Variants in MAST3 observed in about 807,000 individuals in gnomAD.
The protein encoded by MAST3 is microtubule-associated serine/threonine-protein kinase 3.
In MAST3, 43 loss-of-function variants were observed where a neutral mutation model predicts 127.0. That is an observed-to-expected ratio of 0.34 (90% confidence interval 0.27 to 0.44). MAST3 has a LOEUF of 0.44. MAST3 is among the 20% of genes least tolerant of loss of function. The probability of loss-of-function intolerance (pLI) is 1.00; values close to 1 mark genes in which losing one functional copy is unlikely to be tolerated. For missense variants in MAST3, 1,390 were observed against 1,919.1 expected (o/e 0.72, Z 5.15); for synonymous variants, 785 against 809.2 (o/e 0.97, Z 0.51).
Position 18,124,708 on chromosome 19 carries a change from G to A in MAST3, c.1012G>A (p.Gly338Ser), listed in dbSNP as rs754460796. Reference sequence around the variant, plus strand: ...TGAGGGCCATGCGCGGGAGGGCCAAGGCATTAAGACTGACCTTCCACAGTA... The same window carrying A: ...TGAGGGCCATGCGCGGGAGGGCCAAAGCATTAAGACTGACCTTCCACAGTA... ...AAEGHAREGQGIKTDLPQYII... is the reference protein window; with the variant it reads ...AAEGHAREGQSIKTDLPQYII... The change falls in exon 11 of 28, where the codon GGC becomes AGC. Residue 338 changes from glycine to serine, a missense_variant. Physicochemically the swap from Gly to Ser is moderately conservative, Grantham distance 56. Coordinates refer to ENST00000687212, the MANE Select transcript of MAST3 (RefSeq NM_001393504.1). 1.9e-6 allele frequency: 3 copies of A among 1,612,314 alleles called. No homozygotes were observed.
At chr19:18,104,379 C>T (rs556176440) in intron 1 of MAST3, among the ~76,000 whole-genome samples, 3 of 151,976 alleles carry the variant, frequency 2.0e-5, no homozygotes, top group South Asian at 4.2e-4. Context: ...GATTATTCTC[C>T]TCCCATCGTG....
At position 18,149,509 on chromosome 19, in the gene MAST3, G is replaced by T; in HGVS notation, c.3827G>T (p.Gly1276Val). The T allele has an allele frequency of 6.5e-7, 1 of 1,548,532 alleles. No homozygotes were observed. Among genetic ancestry groups the T allele is most frequent in the Non-Finnish European group, 8.7e-7 (1 of 1,146,636 alleles). Residue 1276 changes from glycine (G) to valine (V), a missense_variant, in exon 28 of 28, where the codon GGG becomes GTG. Gly to Val is a moderately radical substitution (Grantham distance 109). Coordinates refer to ENST00000687212, the MANE Select transcript of MAST3 (RefSeq NM_001393504.1). The surrounding 1 kb of genome is among the most constrained non-coding windows in gnomAD (Gnocchi z 5.9). The part of the protein sequence containing the change: ...GTGERLDGEA[G>V]RRTRGPEAEL... Reference sequence around the variant, plus strand: ...GGGGAGCGGCTGGATGGGGAGGCGGGGCGGCGCACTCGTGGGCCAGAGGCC... The same window carrying T: ...GGGGAGCGGCTGGATGGGGAGGCGGTGCGGCGCACTCGTGGGCCAGAGGCC...
intron 3 of MAST3, chr19:18,117,987 G>C (rs1451175287): frequency 2.4e-6 from 1 of 418,428 alleles, no homozygotes; most frequent in Non-Finnish European, 3.2e-6. Flanking sequence ...CCCCGCACTC[G>C]CCTGGGCGGA....
At position 18,149,454 on chromosome 19, in the gene MAST3, C is replaced by T. The variant is rs970399350; in HGVS notation, c.3772C>T (p.Arg1258Trp). Residue 1258 changes from arginine to tryptophan, a missense_variant, in exon 28 of 28, where the codon CGG becomes TGG. Transcript: ENST00000687212. The surrounding 1 kb of genome is among the most constrained non-coding windows in gnomAD (Gnocchi z 5.9). Reference protein sequence around the residue: ...PAPARSPRLRRGQSADKLGTG... With the variant: ...PAPARSPRLRWGQSADKLGTG... Reference sequence around the variant, plus strand: ...ACCTGCCCGATCCCCGCGGCTGCGCCGGGGCCAGTCAGCTGACAAGCTGGG... The same window carrying T: ...ACCTGCCCGATCCCCGCGGCTGCGCTGGGGCCAGTCAGCTGACAAGCTGGG... 1.3e-6 allele frequency: 2 copies of T among 1,534,460 alleles called. No homozygotes were observed. Among genetic ancestry groups the T allele is most frequent in the Admixed American group, 2.0e-5 (1 of 49,898 alleles).
rs1202874214 is a variant in MAST3, at chr19:18,128,461, G to A, written c.1137+3G>A. 7 of 1,553,800 alleles carry A rather than the reference G, an allele frequency of 4.5e-6. No individual in the cohort carries two copies. Among genetic ancestry groups the A allele is most frequent in the Admixed American group, 3.9e-5 (2 of 51,360 alleles). ...CCCCAGCACCTGAGTCCCCAGAGGTGAGTAGCAGAGGCTGGGGGACCCCCG... is the reference window on the plus strand; with the variant it reads ...CCCCAGCACCTGAGTCCCCAGAGGTAAGTAGCAGAGGCTGGGGGACCCCCG... On this transcript the variant is annotated splice_donor_region_variant and intron_variant, in intron 12 of 27. Coordinates refer to ENST00000687212, the MANE Select transcript of MAST3 (RefSeq NM_001393504.1).
chr19:18,146,452 A>C (rs1424662629), intron 25 of MAST3, among the ~76,000 whole-genome samples: 1 of 152,122 alleles, frequency 6.6e-6, no homozygotes, highest in African/African-American at 2.4e-5. Flanking sequence ...CCCTGGTTCT[A>C]AAAAAATAGA....
In MAST3 at chr19:18,144,756, G is replaced by T; in HGVS notation, c.2812+63G>T. 3 of 1,560,258 alleles carry T rather than the reference G, an allele frequency of 1.9e-6. No individual in the cohort carries two copies. Among genetic ancestry groups the T allele is most frequent in the Non-Finnish European group, 2.6e-6 (3 of 1,144,798 alleles). On this transcript the variant is annotated intron_variant, in intron 23 of 27. Transcript: ENST00000687212. The surrounding 1 kb of genome is among the most constrained non-coding windows in gnomAD (Gnocchi z 4.0). ...ACCCATTTTCACCAACAGGGTGGGG[G>T]CCCTTCCTGAGTTGGGGAGGCTGGG... is the stretch of plus-strand genomic sequence containing the variant.
Position 18,144,564 on chromosome 19 carries a change from C to T in MAST3, c.2683C>T (p.Leu895Phe), listed in dbSNP as rs1379529068. Residue 895 changes from leucine (L) to phenylalanine (F), a missense_variant, in exon 23 of 28, where the codon CTT (leucine) becomes TTT (phenylalanine). Coordinates refer to ENST00000687212, the MANE Select transcript of MAST3 (RefSeq NM_001393504.1). This position sits in a 1 kb window ranked among gnomAD's most constrained non-coding sequence, Gnocchi z 4.0. ...TCTGGATGCCGGCCGGGGCCGCCGC[C>T]TTGGGGGCCCAAGAGACCCAGCCCC... ...RPLDAGRGRR[L>F]GGPRDPAPEK... The T allele has an allele frequency of 6.2e-7, 1 of 1,610,226 alleles. No individual in the cohort carries two copies. Among genetic ancestry groups the T allele is most frequent in the Admixed American group, 1.7e-5 (1 of 59,808 alleles).
At chr19:18,123,496 C>T (rs1652539242) in intron 7 of MAST3, 84 bp from the exon 8 acceptor site, 1 of 1,472,414 alleles carries the variant, frequency 6.8e-7, no homozygotes, top group African/African-American at 1.4e-5. Context: ...ATTCTTGTCC[C>T]TCAACCCTGG....
At chr19:18,099,005 G>C in intron 1 of MAST3, 1 of 325,054 alleles carries the variant, frequency 3.1e-6, no homozygotes, top group Non-Finnish European at 6.2e-6. Context: ...GCATTGCAGC[G>C]GGGGGCGGTA....
chr19:18,136,498 C>G (rs558756240), intron 18 of MAST3, among the ~76,000 whole-genome samples: 1 of 152,332 alleles, frequency 6.6e-6, no homozygotes, highest in East Asian at 1.9e-4. Flanking sequence ...TCACTGCAAC[C>G]TCCGCCTCCC....
intron 5 of MAST3, 132 bp downstream of exon 5, chr19:18,122,054 T>C (rs1254842402): frequency 6.7e-7 from 1 of 1,481,996 alleles, no homozygotes; most frequent in Admixed American, 2.2e-5. Flanking sequence ...GCCCGTCTGG[T>C]GGTGGTCTCC....
At chr19:18,134,545 C>G in intron 15 of MAST3, 34 bp from the exon 16 acceptor site, 1 of 1,583,856 alleles carries the variant, frequency 6.3e-7, no homozygotes, top group Non-Finnish European at 8.6e-7. Flanking sequence ...ACCCCAGCCC[C>G]CCAGCTCTGA....
In MAST3 at chr19:18,149,564, G is replaced by C. The variant is rs2043379298; in HGVS notation, c.3882G>C (p.Leu1294=). ...AELVVMRRLH[L]SERRDSFKKQ... Reference sequence around the variant, plus strand: ...TCGTGGTCATGCGGCGGCTGCACCTGTCCGAGCGCCGAGACTCCTTCAAGA... The same window carrying C: ...TCGTGGTCATGCGGCGGCTGCACCTCTCCGAGCGCCGAGACTCCTTCAAGA... Residue 1294 remains leucine (L), a synonymous_variant, in exon 28 of 28, where the codon CTG becomes CTC. Coordinates refer to ENST00000687212, the MANE Select transcript of MAST3 (RefSeq NM_001393504.1). This position sits in a 1 kb window ranked among gnomAD's most constrained non-coding sequence, Gnocchi z 5.9. 1 of 1,590,610 alleles carries C rather than the reference G, an allele frequency of 6.3e-7. No homozygotes were observed.
Position 18,128,913 on chromosome 19 carries a change from C to T in MAST3, c.1185C>T (p.Asp395=). 1 of 1,613,976 alleles carries T rather than the reference C, an allele frequency of 6.2e-7. No individual in the cohort carries two copies. Among genetic ancestry groups the T allele is most frequent in the Non-Finnish European group, 8.5e-7 (1 of 1,179,894 alleles). Reference sequence around the variant, plus strand: ...CACGGAGGAAGCCATGCGAAAGCGACTTTGAGACCATCAAACTCATTAGCA... The same window carrying T: ...CACGGAGGAAGCCATGCGAAAGCGATTTTGAGACCATCAAACTCATTAGCA... ...GQSRRKPCES[D]FETIKLISNG... Residue 395 remains aspartate (D), a synonymous_variant, in exon 13 of 28, where the codon GAC becomes GAT. Transcript: ENST00000687212.
At chr19:18,098,025 C>T (rs1474950658) in intron 1 of MAST3, among the ~76,000 whole-genome samples, 194 bp downstream of exon 1, 3 of 152,056 alleles carry the variant, frequency 2.0e-5, no homozygotes, top group Non-Finnish European at 4.4e-5. Flanking sequence ...GGGGAAGGTG[C>T]CCCCTTGGAC....
At chr19:18,106,966 A>ATTTTTTTTTTTTTTTTTTTTTT (rs60298417) in intron 1 of MAST3, among the ~76,000 whole-genome samples, 1 of 73,920 alleles carries the variant, frequency 1.4e-5, no homozygotes, top group African/African-American at 6.3e-5. Flanking sequence ...ATGCCCAGCA[A>ATTTTTTTTTTTTTTTTTTTTTT]TTTTTTTTTT....
rs940864516 is a variant in MAST3, at chr19:18,102,179, C to CT, written c.39+4358dup. ...ACAGGTGTTAGCCACTGCGCCTGGC[C>CT]TTTTTTTTTTGAAACGGAGTTTCAC... is the stretch of plus-strand genomic sequence containing the variant. On this transcript the variant is annotated intron_variant, in intron 1 of 27. Transcript: ENST00000687212. Among the ~76,000 whole-genome samples the CT allele has an allele frequency of 8.7e-3, 1,254 of 144,636 alleles. 16 individuals are homozygous for CT. Among genetic ancestry groups the CT allele is most frequent in the African/African-American group, 0.025 (998 of 39,308 alleles). The allele number at this position is 144,636 out of a possible 152,430, so 94.9% of individuals were successfully genotyped here.
chr19:18,141,868 G>T lies in MAST3; in HGVS notation c.2206-14G>T. On this transcript the variant is annotated splice_polypyrimidine_tract_variant and intron_variant, in intron 20 of 27. Coordinates refer to ENST00000687212, the MANE Select transcript of MAST3 (RefSeq NM_001393504.1). Reference sequence around the variant, plus strand: ...ACCGCACCCGGCTTACCATTCTTTTGTCTTGCCTCCCAGGTCTACAGCAGC... The same window carrying T: ...ACCGCACCCGGCTTACCATTCTTTTTTCTTGCCTCCCAGGTCTACAGCAGC... 1.4e-6 allele frequency: 2 copies of T among 1,404,724 alleles called. No individual in the cohort carries two copies. Among genetic ancestry groups the T allele is most frequent in the Middle Eastern group, 1.9e-4 (1 of 5,402 alleles). 87.0% of individuals were successfully genotyped at this position (1,404,724 alleles called of 1,614,324 possible).
Sources: allele counts gnomAD v4.1 joint callset (sites outside exome capture counted in the v4.1 genomes callset), GRCh38; gene constraint gnomAD v4.1.1; non-coding constraint Gnocchi (gnomAD v3.1); transcripts MANE v1.5; gene names NCBI Gene and HGNC (gene_info 2026-07-23, HGNC 2026-07-21).